ARID5B: variants seen among roughly 807,000 people sequenced by gnomAD.
The protein encoded by ARID5B is AT-rich interactive domain-containing protein 5B.
In ARID5B, 13 loss-of-function variants were observed where a neutral mutation model predicts 97.2. The observed-to-expected ratio is 0.13, with a 90% CI of 0.09 to 0.21. The LOEUF is 0.21. ARID5B is among the 10% of genes least tolerant of loss of function. The pLI, the probability that ARID5B is intolerant of heterozygous loss-of-function variation, is 1.00. For synonymous variants in ARID5B, 556 were observed against 570.3 expected, an observed-to-expected ratio of 0.97 and a Z score of 0.36; for missense variants, 1,210 against 1,465.3, an observed-to-expected ratio of 0.83 and a Z score of 2.84.
intron 4 of ARID5B, among the ~76,000 whole-genome samples, chr10:62,001,598 T>G (rs927925729): frequency 2.6e-5 from 4 of 152,054 alleles, no homozygotes; most frequent in African/African-American, 7.2e-5. Context: ...CTAGAGAAAT[T>G]TTGCAAGTAG....
chr10:62,035,724 C>T (rs181944065), intron 4 of ARID5B, among the ~76,000 whole-genome samples: 1 of 151,068 alleles, frequency 6.6e-6, no homozygotes, highest in African/African-American at 2.4e-5. Context: ...TGTGAGCCAC[C>T]ACGACCAACC....
intron 4 of ARID5B, among the ~76,000 whole-genome samples, chr10:62,020,192 C>G (rs1839337690): frequency 6.6e-6 from 1 of 152,174 alleles, no homozygotes; most frequent in African/African-American, 2.4e-5. Context: ...AAATACTATG[C>G]ATATTTTCCA....
intron 8 of ARID5B, among the ~76,000 whole-genome samples, chr10:62,081,614 C>A (rs950812008): frequency 2.6e-5 from 4 of 152,180 alleles, no homozygotes; most frequent in African/African-American, 7.2e-5. Flanking sequence ...TAATGCAAGG[C>A]TGCTGGTTTT....
intron 2 of ARID5B, among the ~76,000 whole-genome samples, chr10:61,925,887 G>T (rs182601814): frequency 1.3e-5 from 2 of 152,146 alleles, no homozygotes; most frequent in Non-Finnish European, 2.9e-5. Flanking sequence ...TTAACAAAGC[G>T]TGCCTCAGAG....
chr10:61,966,256 T>C (rs749985814), intron 3 of ARID5B, among the ~76,000 whole-genome samples: 1 of 152,148 alleles, frequency 6.6e-6, no homozygotes, highest in Non-Finnish European at 1.5e-5. Flanking sequence ...TTTTAAGATA[T>C]ATACTGATTT....
At chr10:61,919,466 C>T (rs1178405207) in intron 2 of ARID5B, among the ~76,000 whole-genome samples, 2 of 152,234 alleles carry the variant, frequency 1.3e-5, no homozygotes, top group Non-Finnish European at 1.5e-5. Flanking sequence ...AGGGAAAGGT[C>T]CCAGCCAAAA....
intron 8 of ARID5B, among the ~76,000 whole-genome samples, chr10:62,085,409 T>C (rs1170649517): frequency 6.6e-6 from 1 of 152,144 alleles, no homozygotes. Context: ...CCAGGTGCCA[T>C]GGGGAGTGAT....
chr10:62,049,062 A>G (rs1247987626), intron 4 of ARID5B: 2 of 720,096 alleles, frequency 2.8e-6, no homozygotes, highest in Non-Finnish European at 3.6e-6. Flanking sequence ...TTCTAAACAA[A>G]ACAAATAGTC....
At chr10:62,072,163 T>C (rs1202439738) in intron 8 of ARID5B, among the ~76,000 whole-genome samples, 3 of 152,172 alleles carry the variant, frequency 2.0e-5, no homozygotes, top group African/African-American at 7.2e-5. Flanking sequence ...CCAGCACTGA[T>C]GCTTCGGGAG....
intron 3 of ARID5B, among the ~76,000 whole-genome samples, chr10:61,940,781 A>G (rs1358283489): frequency 6.6e-6 from 1 of 150,978 alleles, no homozygotes; most frequent in Non-Finnish European, 1.5e-5. Context: ...TTCATGTTTT[A>G]CATTGAGTGG....
rs115131990 is a variant in ARID5B, at chr10:61,986,029, G to A, written c.503-14062G>A. On this transcript the variant is annotated intron_variant, in intron 3 of 9. Coordinates refer to ENST00000279873, the MANE Select transcript of ARID5B (RefSeq NM_032199.3). Reference sequence around the variant, plus strand: ...GAAATTTGCGTCTCATAAAAATCACGAGAATTCTCAAAGCCACCAGCCCAC... The same window carrying A: ...GAAATTTGCGTCTCATAAAAATCACAAGAATTCTCAAAGCCACCAGCCCAC... 9.8e-3 allele frequency among the ~76,000 whole-genome samples: 1,486 copies of A among 152,128 alleles called. 32 individuals are homozygous for A. Among genetic ancestry groups the A allele is most frequent in the African/African-American group, 0.034 (1,416 of 41,488 alleles).
chr10:62,013,110 A>C (rs10995007), intron 4 of ARID5B, among the ~76,000 whole-genome samples: 13,194 of 152,244 alleles, frequency 0.087, 903 homozygotes, highest in African/African-American at 0.17. Flanking sequence ...CAGTGCTCAG[A>C]ATGAAGATCC....
At position 62,093,651 on chromosome 10, in the gene ARID5B, C is replaced by CT. The variant is rs57902062; in HGVS notation, c.*648dup. 3,564 of 86,574 alleles carry CT rather than the reference C, an allele frequency of 0.041. 251 individuals carry two copies. Among genetic ancestry groups the CT allele is most frequent in the Admixed American group, 0.15 (651 of 4,442 alleles). The allele number at this position is 86,574 out of a possible 1,614,324, so 5.4% of individuals were successfully genotyped here. On this transcript the variant is annotated 3_prime_UTR_variant, in exon 10 of 10. Coordinates refer to ENST00000279873, the MANE Select transcript of ARID5B (RefSeq NM_032199.3). ...CCATTTTCTCCCAGTTCCTTCTCGTCTTTTTTTTTTTTTTTTTTTTTTTTT... is the reference window on the plus strand; with the variant it reads ...CCATTTTCTCCCAGTTCCTTCTCGTCTTTTTTTTTTTTTTTTTTTTTTTTTT...
Position 61,901,816 on chromosome 10 carries a change from C to G in ARID5B, c.21+86C>G. The stretch of plus-strand genomic sequence containing the variant: ...GCTCACCCACACCTCTGCACCCACC[C>G]ACACCCCCCACAAACTTTTCACCAA... On this transcript the variant is annotated intron_variant, in intron 1 of 9. Transcript: ENST00000279873. 2 of 1,071,508 alleles carry G rather than the reference C, an allele frequency of 1.9e-6. 1 individual carries two copies. Among genetic ancestry groups the G allele is most frequent in the Non-Finnish European group, 2.8e-6 (2 of 711,204 alleles). The allele number at this position is 1,071,508 out of a possible 1,614,324, so 66.4% of individuals were successfully genotyped here. A position where few individuals can be genotyped will look rare whatever the true frequency, so the allele number is the denominator to read the frequency against.
chr10:62,015,949 T>C (rs1412884710), intron 4 of ARID5B, among the ~76,000 whole-genome samples: 3 of 152,218 alleles, frequency 2.0e-5, no homozygotes, highest in Non-Finnish European at 2.9e-5. Flanking sequence ...AACACTGTTA[T>C]TCACTTCAGC....
chr10:61,916,159 T>G (rs1843900095), intron 2 of ARID5B, among the ~76,000 whole-genome samples: 1 of 152,224 alleles, frequency 6.6e-6, no homozygotes, highest in Admixed American at 6.5e-5. Flanking sequence ...GTTCAAGTGA[T>G]TCTTGTGCCT....
intron 4 of ARID5B, among the ~76,000 whole-genome samples, chr10:62,038,928 C>G (rs556973397): frequency 2.6e-5 from 4 of 152,176 alleles, no homozygotes; most frequent in Non-Finnish European, 4.4e-5. Context: ...ATTTATTTCT[C>G]CACCTTCCGA....
At chr10:62,075,615 G>A (rs559208805) in intron 8 of ARID5B, among the ~76,000 whole-genome samples, 1 of 152,336 alleles carries the variant, frequency 6.6e-6, no homozygotes, top group Non-Finnish European at 1.5e-5. Flanking sequence ...CCAGGAGCTT[G>A]TCAAAGCTCC....
intron 4 of ARID5B, among the ~76,000 whole-genome samples, chr10:62,034,931 G>A (rs1316793508): frequency 6.6e-6 from 1 of 152,180 alleles, no homozygotes; most frequent in Non-Finnish European, 1.5e-5. Context: ...TTTCTCCTAG[G>A]TGTTGCTGAC....
Sources: gnomAD v4.1 joint callset for allele counts (sites outside exome capture counted in the v4.1 genomes callset) on GRCh38, gnomAD v4.1.1 for gene constraint, MANE v1.5 for transcripts, NCBI Gene and HGNC (gene_info 2026-07-23, HGNC 2026-07-21) for gene names.